Variants in STOX2 observed in about 807,000 individuals in gnomAD.
STOX2 encodes storkhead box 2.
STOX2 carries 28 observed loss-of-function variants against 60.9 expected under a neutral mutation model. The ratio of observed to expected loss-of-function variants is 0.46; its 90% CI spans 0.34 to 0.63. STOX2 has a LOEUF of 0.63. Among genes scored for constraint, STOX2 ranks in the 30% least tolerant of loss-of-function variants. The probability of loss-of-function intolerance (pLI) is 0.01; values close to 1 mark genes in which losing one functional copy is unlikely to be tolerated. For synonymous variants in STOX2, 472 were observed against 463.9 expected, an observed-to-expected ratio of 1.02 and a Z score of -0.22; for missense variants, 1,024 against 1,187.7, an observed-to-expected ratio of 0.86 and a Z score of 2.03.
intron 1 of STOX2, among the ~76,000 whole-genome samples, chr4:183,800,760 T>C (rs542787638): frequency 5.9e-5 from 9 of 152,320 alleles, no homozygotes; most frequent in African/African-American, 2.2e-4. Context: ...TTTCAGATGA[T>C]CTCTTAGATC....
chr4:183,897,636 GA>G (rs1170948419), intron 1 of STOX2, among the ~76,000 whole-genome samples: 1 of 152,194 alleles, frequency 6.6e-6, no homozygotes. Flanking sequence ...TTGAGAGCTT[GA>G]TAAAAGAGCC....
chr4:183,869,216 A>G (rs146669675), intron 1 of STOX2, among the ~76,000 whole-genome samples: 28 of 152,344 alleles, frequency 1.8e-4, no homozygotes, highest in African/African-American at 6.7e-4. Flanking sequence ...ACAATTTTCC[A>G]TGACGAGGAA....
At chr4:183,901,848 T>C (rs562304724), upstream of STOX2, among the ~76,000 whole-genome samples, 50 of 152,298 alleles carry the variant, frequency 3.3e-4, no homozygotes, top group Non-Finnish European at 5.9e-4. Context: ...CCTTATCAGA[T>C]ATATGCTTTA....
intron 1 of STOX2, among the ~76,000 whole-genome samples, chr4:183,974,909 C>G (rs1732392704): frequency 6.6e-6 from 1 of 152,080 alleles, no homozygotes; most frequent in Non-Finnish European, 1.5e-5. Context: ...TTAAAATCCT[C>G]AGGGAGCATT....
chr4:183,798,763 A>C, intron 1 of STOX2: 2 of 985,344 alleles, frequency 2.0e-6, no homozygotes, highest in Non-Finnish European at 2.4e-6. Flanking sequence ...AGTCGCCCAG[A>C]GGTGAAGGTC....
At chr4:183,973,343 T>C (rs1334236504) in intron 1 of STOX2, among the ~76,000 whole-genome samples, 1 of 152,088 alleles carries the variant, frequency 6.6e-6, no homozygotes, top group Non-Finnish European at 1.5e-5. Context: ...ACATAACATA[T>C]AATAGAGCAA....
chr4:183,923,730 G>C (rs548005994), intron 1 of STOX2, among the ~76,000 whole-genome samples: 4 of 152,188 alleles, frequency 2.6e-5, no homozygotes, highest in Non-Finnish European at 5.9e-5. Flanking sequence ...TTAAAATGTA[G>C]TGAAGAGCTT....
Position 183,906,603 on chromosome 4 carries a change from C to T in STOX2, c.-188C>T, listed in dbSNP as rs1741616917. 1.7e-6 allele frequency: 1 copy of T among 584,202 alleles called. No individual in the cohort carries two copies. Among genetic ancestry groups the T allele is most frequent in the Non-Finnish European group, 3.0e-6 (1 of 338,408 alleles). 36.2% of individuals were successfully genotyped at this position (584,202 alleles called of 1,614,324 possible). On this transcript the variant is annotated 5_prime_UTR_variant, in exon 1 of 4. Coordinates refer to ENST00000308497, the MANE Select transcript of STOX2 (RefSeq NM_020225.3). ...GACGTGTGTAAAATCGGAGCCTTCGCCGTGGGGGTGTGGGGGGGCGTGGGG... is the reference window on the plus strand; with the variant it reads ...GACGTGTGTAAAATCGGAGCCTTCGTCGTGGGGGTGTGGGGGGGCGTGGGG...
chr4:183,861,264 G>A (rs1740435133), intron 1 of STOX2, among the ~76,000 whole-genome samples: 1 of 151,306 alleles, frequency 6.6e-6, no homozygotes, highest in South Asian at 2.1e-4. Context: ...CCACCACTGA[G>A]GTTCAACAAA....
chr4:183,959,408 C>A (rs1743350144), intron 1 of STOX2, among the ~76,000 whole-genome samples: 1 of 152,172 alleles, frequency 6.6e-6, no homozygotes, highest in African/African-American at 2.4e-5. Context: ...TAATTTATTT[C>A]TCATGCTTTG....
At chr4:183,889,014 G>T (rs764042699) in intron 1 of STOX2, among the ~76,000 whole-genome samples, 1 of 151,672 alleles carries the variant, frequency 6.6e-6, no homozygotes, top group African/African-American at 2.4e-5. Context: ...TTCTCGATGC[G>T]TTATTGGACC....
intron 1 of STOX2, among the ~76,000 whole-genome samples, chr4:183,883,084 C>T (rs1193419427): frequency 2.0e-5 from 3 of 151,948 alleles, no homozygotes; most frequent in Non-Finnish European, 4.4e-5. Context: ...ACCCAATATC[C>T]GGCTTCAGCA....
chr4:183,981,519 A>G (rs1055396033), intron 1 of STOX2, among the ~76,000 whole-genome samples: 3 of 152,052 alleles, frequency 2.0e-5, no homozygotes, highest in Non-Finnish European at 4.4e-5. Context: ...ATTGTAATGG[A>G]GAAGGGCAAC....
In STOX2 at chr4:183,821,393, A is replaced by T. The variant is rs1315007385; in HGVS notation, c.364+23338A>T. Among the ~76,000 whole-genome samples the T allele has an allele frequency of 1.3e-5, 2 of 152,236 alleles. No homozygotes were observed. The highest frequency in any genetic ancestry group is 4.8e-5 in the African/African-American group (2 of 41,468). ...TCTTTTATAAAGAACAAACGAAAGC[A>T]TTACACTGATATTATTCATGCCAGA... On this transcript the variant is annotated intron_variant, in intron 1 of 2. Transcript: ENST00000513034. This position sits in a 1 kb window ranked among gnomAD's most constrained non-coding sequence, Gnocchi z 4.2.
chr4:184,003,948 AT>A (rs34806465), intron 2 of STOX2, among the ~76,000 whole-genome samples: 58,075 of 147,510 alleles, frequency 0.39, 11,628 homozygotes, highest in African/African-American at 0.52. Context: ...CCTTCCTTTG[AT>A]TTTTTTTTTT....
At chr4:183,873,525 G>T (rs990813936) in intron 1 of STOX2, among the ~76,000 whole-genome samples, 3 of 151,732 alleles carry the variant, frequency 2.0e-5, no homozygotes, top group Non-Finnish European at 2.9e-5. Flanking sequence ...TGCTGAGCCT[G>T]CCTTGACAAG....
At chr4:183,874,958 T>C (rs1270214565) in intron 1 of STOX2, among the ~76,000 whole-genome samples, 2 of 42,394 alleles carry the variant, frequency 4.7e-5, no homozygotes, top group African/African-American at 2.2e-4. Context: ...AAAAAATATA[T>C]ATATATATAT....
At chr4:183,888,629 T>C (rs934010772) in intron 1 of STOX2, among the ~76,000 whole-genome samples, 1 of 152,198 alleles carries the variant, frequency 6.6e-6, no homozygotes, top group African/African-American at 2.4e-5. Context: ...TCTTGCCTGC[T>C]CCTTGCCAAT....
rs1355089978 is a variant in STOX2 at position 184,001,540 on chromosome 4, C to T, written c.319+63C>T. 90 of 1,525,848 alleles carry T rather than the reference C, an allele frequency of 5.9e-5. No individual in the cohort carries two copies. The highest frequency in any genetic ancestry group is 2.7e-4 in the African/African-American group (20 of 73,506). The allele number at this position is 1,525,848 out of a possible 1,614,324, so 94.5% of individuals were successfully genotyped here. On this transcript the variant is annotated intron_variant, in intron 2 of 3. Transcript: ENST00000308497. The surrounding 1 kb of genome is among the most constrained non-coding windows in gnomAD (Gnocchi z 4.2). ...TGTGCTGTGGTCGCTCTAGGACTCACGTGGACTGTTCTGCCCATGTTTAAA... is the reference window on the plus strand; with the variant it reads ...TGTGCTGTGGTCGCTCTAGGACTCATGTGGACTGTTCTGCCCATGTTTAAA...
Sources: allele counts gnomAD v4.1 joint callset (sites outside exome capture counted in the v4.1 genomes callset), GRCh38; gene constraint gnomAD v4.1.1; non-coding constraint Gnocchi (gnomAD v3.1); transcripts MANE v1.5; gene names NCBI Gene and HGNC (gene_info 2026-07-23, HGNC 2026-07-21).